CDKAL1: variants seen among roughly 807,000 people sequenced by gnomAD.
The protein encoded by CDKAL1 is CDKAL1 threonylcarbamoyladenosine tRNA methylthiotransferase.
Under a neutral mutation model 68.2 loss-of-function variants are expected in CDKAL1, and 32 were observed. The ratio of observed to expected loss-of-function variants is 0.47; its 90% CI spans 0.35 to 0.63. The LOEUF (loss-of-function observed/expected upper bound fraction) is 0.63. Ranked by LOEUF, CDKAL1 falls within the 30% of genes least tolerant of loss-of-function variation. CDKAL1 has a pLI of 0.00. For missense variants in CDKAL1, 606 were observed against 696.7 expected, an observed-to-expected ratio of 0.87 and a Z score of 1.47; for synonymous variants, 234 against 244.3, an observed-to-expected ratio of 0.96 and a Z score of 0.39.
chr6:20,841,382 T>C (rs546203682), intron 8 of CDKAL1, among the ~76,000 whole-genome samples: 16 of 152,332 alleles, frequency 1.1e-4, no homozygotes, highest in Non-Finnish European at 1.9e-4. Context: ...TTTAAGAGTA[T>C]AACTCTGATT....
At chr6:20,640,111 A>G (rs983771236) in intron 4 of CDKAL1, among the ~76,000 whole-genome samples, 5 of 152,200 alleles carry the variant, frequency 3.3e-5, no homozygotes, top group Non-Finnish European at 5.9e-5. Flanking sequence ...GGGTATGGGT[A>G]AACGTACTGC....
chr6:20,796,458 A>AT (rs1414110178), intron 8 of CDKAL1, among the ~76,000 whole-genome samples: 1 of 152,156 alleles, frequency 6.6e-6, no homozygotes, highest in Non-Finnish European at 1.5e-5. Context: ...TTCCAGTAAG[A>AT]TTTTTCTTGT....
At chr6:21,197,459 G>T (rs9465993) in intron 13 of CDKAL1, among the ~76,000 whole-genome samples, 1 of 151,998 alleles carries the variant, frequency 6.6e-6, no homozygotes, top group Non-Finnish European at 1.5e-5. Context: ...TATATAATAA[G>T]TAAATAGCTC....
chr6:20,549,947 G>T (rs1053071055), intron 4 of CDKAL1, among the ~76,000 whole-genome samples: 1 of 151,506 alleles, frequency 6.6e-6, no homozygotes, highest in East Asian at 2.0e-4. Flanking sequence ...CTCTAAGGAA[G>T]AGCTGTCCAT....
chr6:21,015,279 T>C (rs959401113), intron 11 of CDKAL1, among the ~76,000 whole-genome samples: 2 of 152,378 alleles, frequency 1.3e-5, no homozygotes, highest in East Asian at 1.9e-4. Flanking sequence ...TTTTGATCAA[T>C]GAAATCAGTG....
intron 8 of CDKAL1, among the ~76,000 whole-genome samples, chr6:20,797,962 A>G (rs776779164): frequency 6.6e-6 from 1 of 151,632 alleles, no homozygotes; most frequent in African/African-American, 2.4e-5. Flanking sequence ...GACTACAGGC[A>G]TGTGCTACCA....
intron 7 of CDKAL1, among the ~76,000 whole-genome samples, chr6:20,759,770 A>C (rs1360570496): frequency 6.6e-6 from 1 of 152,212 alleles, no homozygotes; most frequent in Non-Finnish European, 1.5e-5. Flanking sequence ...GAAATAAACC[A>C]TCTTCAACTC....
At position 21,114,433 on chromosome 6, in the gene CDKAL1, TAAAG is replaced by T. The variant is rs35962170; in HGVS notation, c.1299+5976_1299+5979del. ...TGAGATTTTTATTATATTTTTGTCT[TAAAG>T]AAAGACTCCTCTAAGCTGGATGTGG... On this transcript the variant is annotated intron_variant, in intron 13 of 15. Coordinates refer to ENST00000274695, the MANE Select transcript of CDKAL1 (RefSeq NM_017774.3). Among the ~76,000 whole-genome samples, 3,492 of 152,206 alleles carry T rather than the reference TAAAG, an allele frequency of 0.023. 343 individuals are homozygous for T. The East Asian group carries it at 0.32, about 14-fold the overall frequency.
At chr6:20,678,370 T>C (rs888348876) in intron 5 of CDKAL1, among the ~76,000 whole-genome samples, 9 of 152,248 alleles carry the variant, frequency 5.9e-5, no homozygotes, top group Admixed American at 2.0e-4. Flanking sequence ...CTCCTTTGTC[T>C]CTTTTTAATT....
intron 11 of CDKAL1, among the ~76,000 whole-genome samples, chr6:21,002,646 G>A (rs562578632): frequency 4.4e-5 from 5 of 113,390 alleles, no homozygotes; most frequent in African/African-American, 7.4e-5. Context: ...AAAACTTCAG[G>A]TAACCTATTT....
chr6:20,895,153 C>G (rs1761614815), intron 9 of CDKAL1, among the ~76,000 whole-genome samples: 1 of 152,096 alleles, frequency 6.6e-6, no homozygotes, highest in Non-Finnish European at 1.5e-5. Flanking sequence ...GCTCTTTTCA[C>G]TCACTGTTTT....
In CDKAL1 at chr6:20,760,723, G is replaced by T. The variant is rs78563711; in HGVS notation, c.517+2080G>T. Among the ~76,000 whole-genome samples, 751 of 152,294 alleles carry T rather than the reference G, an allele frequency of 4.9e-3. 7 individuals are homozygous for T. Among genetic ancestry groups the T allele is most frequent in the African/African-American group, 0.017 (690 of 41,556 alleles). On this transcript the variant is annotated intron_variant, in intron 7 of 15. Coordinates refer to ENST00000274695, the MANE Select transcript of CDKAL1 (RefSeq NM_017774.3). ...TCTTAAGCAGTGATTTAAGATACTTGAGGGCATTGTTGCCTTATTCATCCT... is the reference window on the plus strand; with the variant it reads ...TCTTAAGCAGTGATTTAAGATACTTTAGGGCATTGTTGCCTTATTCATCCT...
At chr6:20,651,405 A>T (rs1581897689) in intron 5 of CDKAL1, among the ~76,000 whole-genome samples, 1 of 152,038 alleles carries the variant, frequency 6.6e-6, no homozygotes, top group Non-Finnish European at 1.5e-5. Context: ...CATTGATTTT[A>T]TATCCTGAGA....
intron 10 of CDKAL1, among the ~76,000 whole-genome samples, chr6:20,984,532 C>A (rs982765074): frequency 6.6e-6 from 1 of 152,112 alleles, no homozygotes; most frequent in African/African-American, 2.4e-5. Flanking sequence ...ACTCGTGGCA[C>A]CCAAATTCTT....
chr6:20,725,298 A>G, intron 5 of CDKAL1, among the ~76,000 whole-genome samples: 1 of 152,370 alleles, frequency 6.6e-6, no homozygotes, highest in East Asian at 1.9e-4. Context: ...TATAGAATAT[A>G]TGCCATATAC....
intron 12 of CDKAL1, among the ~76,000 whole-genome samples, chr6:21,079,074 C>T (rs1342331272): frequency 2.0e-5 from 3 of 151,944 alleles, no homozygotes; most frequent in South Asian, 2.1e-4. Flanking sequence ...ACAGGGGCGG[C>T]GTGGGACAGA....
chr6:21,067,679 T>C (rs1771532678), intron 12 of CDKAL1, among the ~76,000 whole-genome samples: 1 of 152,150 alleles, frequency 6.6e-6, no homozygotes, highest in Non-Finnish European at 1.5e-5. Context: ...GTTTTTTTCT[T>C]TTGTTCCACT....
At chr6:21,194,820 C>G (rs573976697) in intron 13 of CDKAL1, among the ~76,000 whole-genome samples, 3 of 152,298 alleles carry the variant, frequency 2.0e-5, no homozygotes, top group African/African-American at 7.2e-5. Context: ...CTCATTCTTC[C>G]ATAACTTCAG....
chr6:20,542,821 C>T, intron 2 of CDKAL1, among the ~76,000 whole-genome samples: 1 of 152,222 alleles, frequency 6.6e-6, no homozygotes. Context: ...ATTCTCCTCT[C>T]ACCCTGTTCT....
Sources: gnomAD v4.1 joint callset for allele counts (sites outside exome capture counted in the v4.1 genomes callset) on GRCh38, gnomAD v4.1.1 for gene constraint, MANE v1.5 for transcripts, NCBI Gene and HGNC (gene_info 2026-07-23, HGNC 2026-07-21) for gene names.